The following RCAN2 variants were observed in gnomAD, a reference collection of about 807,000 sequenced individuals.
RCAN2 encodes the protein calcipressin-2.
A neutral mutation model predicts 23.6 loss-of-function variants in RCAN2; 9 were observed. The ratio of observed to expected loss-of-function variants is 0.38; its 90% confidence interval spans 0.23 to 0.67. The LOEUF is 0.67. Ranked by LOEUF, RCAN2 falls within the 30% of genes least tolerant of loss-of-function variation. The pLI is 0.51. For synonymous variants in RCAN2, 109 were observed against 115.7 expected (o/e 0.94, Z 0.37); for missense variants, 273 against 302.3 (o/e 0.90, Z 0.72).
intron 2 of RCAN2, among the ~76,000 whole-genome samples, chr6:46,390,542 T>G (rs1173232093): frequency 1.3e-5 from 2 of 152,246 alleles, no homozygotes; most frequent in African/African-American, 4.8e-5. Context: ...TTTTACCTAA[T>G]GCATTTCTTG....
chr6:46,437,303 A>G (rs185134278), intron 2 of RCAN2, among the ~76,000 whole-genome samples: 2 of 152,360 alleles, frequency 1.3e-5, no homozygotes, highest in East Asian at 1.9e-4. Context: ...TTAACATGGT[A>G]TAATAACATG....
chr6:46,469,234 CAG>C (rs1473947699), intron 1 of RCAN2, among the ~76,000 whole-genome samples: 1 of 152,176 alleles, frequency 6.6e-6, no homozygotes, highest in African/African-American at 2.4e-5. Flanking sequence ...TCACTATTGT[CAG>C]AGAGTCACAA....
chr6:46,337,797 C>T (rs1764190284), intron 2 of RCAN2, among the ~76,000 whole-genome samples: 1 of 152,210 alleles, frequency 6.6e-6, no homozygotes, highest in Non-Finnish European at 1.5e-5. Context: ...ATTCCCAGGA[C>T]AGCTGCCGGT....
chr6:46,374,942 C>G (rs1005056360), intron 2 of RCAN2, among the ~76,000 whole-genome samples: 1 of 152,060 alleles, frequency 6.6e-6, no homozygotes, highest in Admixed American at 6.5e-5. Context: ...TGTCTTGCTC[C>G]GTCGCCCAAG....
intron 1 of RCAN2, among the ~76,000 whole-genome samples, chr6:46,488,382 AGTAT>A (rs553266923): frequency 3.3e-5 from 5 of 152,252 alleles, no homozygotes; most frequent in Non-Finnish European, 5.9e-5. Flanking sequence ...CCTTGTGTTC[AGTAT>A]GTAGTAAGCA....
At chr6:46,272,883 C>T (rs1371238311) in intron 2 of RCAN2, among the ~76,000 whole-genome samples, 1 of 152,092 alleles carries the variant, frequency 6.6e-6, no homozygotes, top group African/African-American at 2.4e-5. Context: ...TTGTCTTTTG[C>T]AAGTTTTAAA....
chr6:46,322,187 A>G (rs1763639500), intron 2 of RCAN2, among the ~76,000 whole-genome samples: 1 of 152,218 alleles, frequency 6.6e-6, no homozygotes, highest in Non-Finnish European at 1.5e-5. Context: ...TGGAGTGGGT[A>G]GACTATTTTC....
At chr6:46,360,259 G>A (rs1171096396) in intron 2 of RCAN2, among the ~76,000 whole-genome samples, 2 of 152,040 alleles carry the variant, frequency 1.3e-5, no homozygotes, top group Admixed American at 6.6e-5. Context: ...TAGGCCGGGC[G>A]CTGTGGCTCA....
intron 2 of RCAN2, among the ~76,000 whole-genome samples, chr6:46,354,897 A>ATGTG (rs6149559): frequency 0.011 from 1,596 of 144,690 alleles, 12 homozygotes; most frequent in African/African-American, 0.025. Flanking sequence ...AAGATTATAT[A>ATGTG]TGTGTGTGTG....
chr6:46,260,545 G>A (rs557676161), intron 2 of RCAN2, among the ~76,000 whole-genome samples: 1 of 152,286 alleles, frequency 6.6e-6, no homozygotes, highest in Non-Finnish European at 1.5e-5. Flanking sequence ...GGTGACAAGA[G>A]AGGAACCGAA....
intron 2 of RCAN2, among the ~76,000 whole-genome samples, chr6:46,340,579 C>G (rs1375438202): frequency 2.0e-5 from 3 of 152,192 alleles, no homozygotes; most frequent in African/African-American, 7.2e-5. Context: ...GAGCCTCTAT[C>G]ATTCTAGATC....
chr6:46,469,690 G>A (rs1182798918), intron 1 of RCAN2, among the ~76,000 whole-genome samples: 1 of 152,176 alleles, frequency 6.6e-6, no homozygotes, highest in Non-Finnish European at 1.5e-5. Flanking sequence ...AAAAGAGCTG[G>A]TGGAATGCTT....
chr6:46,294,702 C>G (rs547074377), intron 2 of RCAN2, among the ~76,000 whole-genome samples: 1 of 152,122 alleles, frequency 6.6e-6, no homozygotes, highest in African/African-American at 2.4e-5. Context: ...GGAGCATGAT[C>G]CCAATGATGA....
At chr6:46,356,608 C>T (rs1278125510) in intron 2 of RCAN2, among the ~76,000 whole-genome samples, 2 of 152,136 alleles carry the variant, frequency 1.3e-5, no homozygotes, top group African/African-American at 4.8e-5. Flanking sequence ...TGGATGTGAA[C>T]GTGCACAGGT....
chr6:46,424,555 C>T (rs1488945157), intron 2 of RCAN2, among the ~76,000 whole-genome samples: 2 of 152,090 alleles, frequency 1.3e-5, no homozygotes, highest in Non-Finnish European at 2.9e-5. Context: ...CCCTAGAATG[C>T]ACTGTTGTTT....
intron 1 of RCAN2, among the ~76,000 whole-genome samples, chr6:46,481,317 A>G (rs781747415): frequency 1.3e-5 from 2 of 152,210 alleles, no homozygotes; most frequent in Admixed American, 1.3e-4. Context: ...AGTGAATAAG[A>G]TATATAGGTT....
At chr6:46,342,322 C>T (rs1226167446) in intron 2 of RCAN2, among the ~76,000 whole-genome samples, 2 of 152,044 alleles carry the variant, frequency 1.3e-5, no homozygotes, top group East Asian at 1.9e-4. Flanking sequence ...GTCTCTGAGA[C>T]ATCTGGTATA....
At chr6:46,445,543 G>A (rs1377350951) in intron 2 of RCAN2, among the ~76,000 whole-genome samples, 1 of 152,142 alleles carries the variant, frequency 6.6e-6, no homozygotes, top group African/African-American at 2.4e-5. Flanking sequence ...AACAATCAGG[G>A]AAACGTGACA....
intron 2 of RCAN2, among the ~76,000 whole-genome samples, chr6:46,347,600 A>T (rs9395175): frequency 0.42 from 64,136 of 152,082 alleles, 14,969 homozygotes; most frequent in East Asian, 0.6. Context: ...GAGATAACAT[A>T]TTTCCTATCT....
Sources: allele counts gnomAD v4.1 joint callset (sites outside exome capture counted in the v4.1 genomes callset), GRCh38; gene constraint gnomAD v4.1.1; transcripts MANE v1.5; gene names NCBI Gene and HGNC (gene_info 2026-07-23, HGNC 2026-07-21).